CDH12: variants seen among roughly 807,000 people sequenced by gnomAD.
CDH12 encodes the protein cadherin-12.
A neutral mutation model predicts 74.1 loss-of-function variants in CDH12; 41 were observed. The ratio of observed to expected loss-of-function variants is 0.55; its 90% CI spans 0.43 to 0.72. The LOEUF (loss-of-function observed/expected upper bound fraction) is 0.72, where lower values mean the gene tolerates loss of function less well. Ranked by LOEUF, CDH12 falls within the 30% of genes least tolerant of loss-of-function variation. CDH12 has a pLI of 0.00. For synonymous variants in CDH12, 399 were observed against 355.0 expected, an observed-to-expected ratio of 1.12 and a Z score of -1.39; for missense variants, 945 against 977.2, an observed-to-expected ratio of 0.97 and a Z score of 0.44.
At chr5:22,820,324 A>T (rs965570188) in intron 1 of CDH12, among the ~76,000 whole-genome samples, 13 of 152,064 alleles carry the variant, frequency 8.5e-5, no homozygotes, top group Non-Finnish European at 1.8e-4. Context: ...TCTCATCGTG[A>T]GTTCTCATGT....
At chr5:22,405,785 A>T (rs1742915379) in intron 2 of CDH12, among the ~76,000 whole-genome samples, 1 of 152,130 alleles carries the variant, frequency 6.6e-6, no homozygotes, top group Non-Finnish European at 1.5e-5. Flanking sequence ...GTCCCTCAGG[A>T]TCTGTGGCAG....
chr5:22,266,138 C>T (rs1736093139), intron 3 of CDH12, among the ~76,000 whole-genome samples: 1 of 151,840 alleles, frequency 6.6e-6, no homozygotes, highest in South Asian at 2.1e-4. Flanking sequence ...TGCAATGGCA[C>T]AATCTCGGCT....
intron 1 of CDH12, among the ~76,000 whole-genome samples, chr5:22,616,493 A>C (rs405169): frequency 0.56 from 84,503 of 151,866 alleles, 23,852 homozygotes; most frequent in East Asian, 0.68. Context: ...AAACATTTGG[A>C]AATTATTTGA....
intron 2 of CDH12, among the ~76,000 whole-genome samples, chr5:22,464,945 T>G (rs1393086871): frequency 6.8e-6 from 1 of 146,672 alleles, no homozygotes; most frequent in African/African-American, 2.5e-5. Flanking sequence ...GAGGCTGCAG[T>G]GAGCCGAGAT....
intron 4 of CDH12, among the ~76,000 whole-genome samples, chr5:22,127,125 T>C (rs1745913724): frequency 6.6e-6 from 1 of 152,080 alleles, no homozygotes; most frequent in South Asian, 2.1e-4. Flanking sequence ...AAAACAACTA[T>C]ATTGTGCATT....
At chr5:22,041,253 C>T (rs192026526) in intron 5 of CDH12, among the ~76,000 whole-genome samples, 24 of 151,478 alleles carry the variant, frequency 1.6e-4, no homozygotes, top group Admixed American at 7.9e-4. Context: ...TAAACAAGAG[C>T]GGGGAAAAAA....
intron 4 of CDH12, among the ~76,000 whole-genome samples, chr5:22,187,646 T>G: frequency 7.3e-6 from 1 of 137,362 alleles, no homozygotes. Context: ...ACATCGACCT[T>G]GAAAGAGGAA....
chr5:22,534,193 T>C (rs77726162), intron 1 of CDH12, among the ~76,000 whole-genome samples: 7 of 145,742 alleles, frequency 4.8e-5, no homozygotes, highest in Non-Finnish European at 9.3e-5. Context: ...TCTTTACTTC[T>C]TTTTTTTTTA....
chr5:21,783,454 T>G lies in CDH12; in HGVS notation c.1297A>C (p.Thr433Pro), dbSNP rs1412190777. Reference protein sequence around the residue: ...DWKSDGDSYFTIDGNEGTIAT... With the variant: ...DWKSDGDSYFPIDGNEGTIAT... ...ATGGTTCCTTCATTTCCATCTATTG[T>G]AAAGTAGCTGTCCCCATCACTCTTC... is the stretch of plus-strand genomic sequence containing the variant. The change falls in exon 11 of 15, where the codon ACA becomes CCA. Residue 433 changes from threonine (T) to proline (P), a missense_variant. Thr to Pro is a conservative substitution (Grantham distance 38, BLOSUM62 -1). Coordinates refer to ENST00000382254, the MANE Select transcript of CDH12 (RefSeq NM_004061.5). The G allele has an allele frequency of 5.6e-6, 9 of 1,607,126 alleles. No individual in the cohort carries two copies. Among genetic ancestry groups the G allele is most frequent in the Non-Finnish European group, 7.7e-6 (9 of 1,173,636 alleles).
At chr5:21,770,579 T>C (rs375171449) in intron 11 of CDH12, among the ~76,000 whole-genome samples, 6 of 151,126 alleles carry the variant, frequency 4.0e-5, no homozygotes, top group East Asian at 3.9e-4. Flanking sequence ...GATTGTGCCA[T>C]TGCACTCCAG....
At chr5:22,512,106 C>T (rs1736637624) in intron 1 of CDH12, among the ~76,000 whole-genome samples, 1 of 152,054 alleles carries the variant, frequency 6.6e-6, no homozygotes, top group South Asian at 2.1e-4. Flanking sequence ...AAAATCACGT[C>T]AGTATTACTA....
At chr5:22,057,523 G>T (rs1360185255) in intron 5 of CDH12, among the ~76,000 whole-genome samples, 1 of 152,116 alleles carries the variant, frequency 6.6e-6, no homozygotes, top group South Asian at 2.1e-4. Flanking sequence ...TTCCCTCCCG[G>T]GGGTGAGGGA....
At chr5:22,846,998 C>T (rs1039025514) in intron 1 of CDH12, among the ~76,000 whole-genome samples, 3 of 152,024 alleles carry the variant, frequency 2.0e-5, no homozygotes, top group Admixed American at 6.6e-5. Context: ...TAGGAATTTG[C>T]CCTATGTGTT....
chr5:21,952,693 G>A (rs1344391924), intron 6 of CDH12, among the ~76,000 whole-genome samples: 3 of 152,004 alleles, frequency 2.0e-5, no homozygotes, highest in Non-Finnish European at 2.9e-5. Context: ...TGGAGGATTC[G>A]GTAGTTTGAA....
chr5:22,494,830 C>T (rs984413169), intron 2 of CDH12, among the ~76,000 whole-genome samples: 2 of 152,160 alleles, frequency 1.3e-5, no homozygotes, highest in African/African-American at 4.8e-5. Context: ...GCTCAGCAAA[C>T]ACAAGGAGTA....
At chr5:22,815,830 T>C (rs1053485755) in intron 1 of CDH12, among the ~76,000 whole-genome samples, 1 of 145,002 alleles carries the variant, frequency 6.9e-6, no homozygotes, top group Non-Finnish European at 1.5e-5. Context: ...ATACTACCGG[T>C]GAAAGAGAGC....
intron 3 of CDH12, among the ~76,000 whole-genome samples, chr5:22,245,447 T>C (rs1427764941): frequency 6.6e-6 from 1 of 152,088 alleles, no homozygotes. Flanking sequence ...TGCAAAATTA[T>C]AACATTTAAA....
At chr5:22,516,527 G>T (rs2126679030) in intron 1 of CDH12, among the ~76,000 whole-genome samples, 1 of 152,180 alleles carries the variant, frequency 6.6e-6, no homozygotes, top group South Asian at 2.1e-4. Flanking sequence ...GGGTGCAGTG[G>T]GTCACACCTG....
chr5:22,715,662 G>C (rs887689940), intron 1 of CDH12, among the ~76,000 whole-genome samples: 2 of 151,844 alleles, frequency 1.3e-5, no homozygotes, highest in Non-Finnish European at 2.9e-5. Context: ...TTAGCCAGGC[G>C]TGGTGTCAGG....
Sources: allele counts gnomAD v4.1 joint callset (sites outside exome capture counted in the v4.1 genomes callset), GRCh38; gene constraint gnomAD v4.1.1; transcripts MANE v1.5; gene names NCBI Gene and HGNC (gene_info 2026-07-23, HGNC 2026-07-21).